Variants in RBM6 observed in about 807,000 individuals in gnomAD.
RBM6 encodes the protein RNA-binding protein 6.
Under a neutral mutation model 140.4 loss-of-function variants are expected in RBM6, and 23 were observed. The observed-to-expected ratio is 0.16, with a 90% confidence interval of 0.12 to 0.23. The LOEUF (loss-of-function observed/expected upper bound fraction) is 0.23. Among genes scored for constraint, RBM6 ranks in the 10% least tolerant of loss-of-function variants. The pLI, the probability that RBM6 is intolerant of heterozygous loss-of-function variation, is 1.00. For missense variants in RBM6, 1,139 were observed against 1,386.7 expected, an observed-to-expected ratio of 0.82 and a Z score of 2.84; for synonymous variants, 439 against 475.6, an observed-to-expected ratio of 0.92 and a Z score of 1.00.
intron 5 of RBM6, among the ~76,000 whole-genome samples, chr3:49,996,872 C>T (rs952831351): frequency 6.6e-6 from 1 of 152,128 alleles, no homozygotes; most frequent in African/African-American, 2.4e-5. Context: ...TGGTTAAAAA[C>T]ATCAACTTGA....
intron 6 of RBM6, among the ~76,000 whole-genome samples, chr3:50,012,896 C>T (rs1248131870): frequency 1.3e-5 from 2 of 152,004 alleles, no homozygotes; most frequent in Admixed American, 1.3e-4. Context: ...CCATGCGCCA[C>T]CACGCCTGGC....
At chr3:50,063,762 G>A (rs962964580) in intron 15 of RBM6, among the ~76,000 whole-genome samples, 5 of 151,840 alleles carry the variant, frequency 3.3e-5, no homozygotes, top group Admixed American at 6.6e-5. Flanking sequence ...TTAGCTGGAC[G>A]TGGTGGCGCA....
intron 5 of RBM6, among the ~76,000 whole-genome samples, chr3:49,978,089 C>A (rs2085139820): frequency 2.0e-5 from 3 of 152,156 alleles, no homozygotes; most frequent in Non-Finnish European, 4.4e-5. Context: ...TAACCTCAAA[C>A]CCCTCGGCTC....
intron 6 of RBM6, among the ~76,000 whole-genome samples, chr3:50,011,731 T>C (rs2086860021): frequency 2.6e-5 from 4 of 152,116 alleles, no homozygotes; most frequent in Admixed American, 6.6e-5. Context: ...AAATTATATA[T>C]CATAAAAGTC....
At chr3:49,955,002 G>A (rs1216003331) in intron 1 of RBM6, among the ~76,000 whole-genome samples, 5 of 151,688 alleles carry the variant, frequency 3.3e-5, no homozygotes, top group African/African-American at 4.8e-5. Context: ...CTCGTGATCC[G>A]CCTGCCTAGG....
intron 3 of RBM6, among the ~76,000 whole-genome samples, chr3:49,969,480 A>T (rs899692874): frequency 6.8e-6 from 1 of 146,340 alleles, no homozygotes; most frequent in South Asian, 2.1e-4. Context: ...TATATATATG[A>T]ATATATATGT....
At chr3:50,001,841 A>G (rs1276940265) in intron 6 of RBM6, among the ~76,000 whole-genome samples, 1 of 152,214 alleles carries the variant, frequency 6.6e-6, no homozygotes, top group African/African-American at 2.4e-5. Context: ...ACTCAATGTA[A>G]TAGCTGATAG....
intron 1 of RBM6, among the ~76,000 whole-genome samples, chr3:49,952,321 G>A (rs1251909151): frequency 2.0e-5 from 3 of 151,198 alleles, no homozygotes; most frequent in South Asian, 2.1e-4. Flanking sequence ...GAGCCACTGC[G>A]CCTGGCCCCA....
At chr3:50,012,240 G>T (rs1168927742) in intron 6 of RBM6, among the ~76,000 whole-genome samples, 2 of 151,630 alleles carry the variant, frequency 1.3e-5, no homozygotes, top group East Asian at 3.9e-4. Flanking sequence ...TTAGAGACGA[G>T]GTCTCAATCT....
chr3:50,044,164 C>T (rs2089097580), intron 6 of RBM6, among the ~76,000 whole-genome samples: 1 of 152,134 alleles, frequency 6.6e-6, no homozygotes, highest in African/African-American at 2.4e-5. Flanking sequence ...AGGCGTGAGC[C>T]ACCGTGCCTG....
intron 2 of RBM6, chr3:49,962,893 C>G (rs964675554): frequency 2.4e-6 from 1 of 412,570 alleles, no homozygotes; most frequent in Non-Finnish European, 4.2e-6. Context: ...GTCAGGAGAT[C>G]GAGACCATCC....
intron 6 of RBM6, among the ~76,000 whole-genome samples, chr3:50,000,424 CT>C (rs545032948): frequency 1.3e-3 from 148 of 113,520 alleles, no homozygotes; most frequent in Admixed American, 1.5e-3. Context: ...TTCTTTCTTT[CT>C]TTTTTTTTTT....
intron 6 of RBM6, among the ~76,000 whole-genome samples, chr3:50,007,989 T>C (rs1317735497): frequency 6.6e-6 from 1 of 152,148 alleles, no homozygotes; most frequent in Non-Finnish European, 1.5e-5. Flanking sequence ...CTAGCTACTC[T>C]GGAGGCTGAG....
intron 5 of RBM6, among the ~76,000 whole-genome samples, chr3:49,989,886 A>G (rs2085739144): frequency 6.6e-6 from 1 of 152,030 alleles, no homozygotes; most frequent in Admixed American, 6.6e-5. Context: ...AGCTGGGATT[A>G]CAGTTGCCCA....
At chr3:49,941,857 C>T (rs1430570391) in intron 1 of RBM6, among the ~76,000 whole-genome samples, 3 of 150,808 alleles carry the variant, frequency 2.0e-5, no homozygotes, top group Non-Finnish European at 4.4e-5. Flanking sequence ...CGTGAGCCAC[C>T]GTGCCCGGCC....
At chr3:49,954,544 G>C (rs1179709871) in intron 1 of RBM6, among the ~76,000 whole-genome samples, 1 of 151,730 alleles carries the variant, frequency 6.6e-6, no homozygotes, top group Non-Finnish European at 1.5e-5. Flanking sequence ...GCCTCCCAAA[G>C]TATTGGAATT....
chr3:49,963,847 G>A lies in RBM6; in HGVS notation c.44+1162G>A, dbSNP rs536476027. On this transcript the variant is annotated intron_variant, in intron 2 of 20. Coordinates refer to ENST00000266022, the MANE Select transcript of RBM6 (RefSeq NM_005777.3). ...AAATAAATCTGACCTTTAAATGTATGCATTCATAAGTATTGTTGCTCCAGT... is the reference window on the plus strand; with the variant it reads ...AAATAAATCTGACCTTTAAATGTATACATTCATAAGTATTGTTGCTCCAGT... Among the ~76,000 whole-genome samples, 7 of 152,164 alleles carry A rather than the reference G, an allele frequency of 4.6e-5. No individual in the cohort carries two copies. The South Asian group carries it at 1.5e-3, about 32-fold the overall frequency.
At chr3:50,030,925 G>T (rs1016412871) in intron 6 of RBM6, among the ~76,000 whole-genome samples, 2 of 152,108 alleles carry the variant, frequency 1.3e-5, no homozygotes, top group African/African-American at 4.8e-5. Flanking sequence ...TAGTTAGGGG[G>T]CTGGGGGGAA....
intron 1 of RBM6, among the ~76,000 whole-genome samples, chr3:49,949,893 A>G (rs1575520451): frequency 6.6e-6 from 1 of 151,734 alleles, no homozygotes; most frequent in African/African-American, 2.4e-5. Flanking sequence ...CAGCTAATTT[A>G]TGTATTTTTA....
Sources: allele counts gnomAD v4.1 joint callset (sites outside exome capture counted in the v4.1 genomes callset), GRCh38; gene constraint gnomAD v4.1.1; transcripts MANE v1.5; gene names NCBI Gene and HGNC (gene_info 2026-07-23, HGNC 2026-07-21).